The following SLC25A36 variants were observed in gnomAD, a reference collection of about 807,000 sequenced individuals.
The protein encoded by SLC25A36 is epididymis secretory sperm binding protein.
Under a neutral mutation model 35.3 loss-of-function variants are expected in SLC25A36, and 24 were observed. That is an observed-to-expected ratio of 0.68 (90% CI 0.49 to 0.96). The LOEUF (loss-of-function observed/expected upper bound fraction) is 0.96, where lower values mean the gene tolerates loss of function less well. SLC25A36 is among the 40% of genes least tolerant of loss of function. The pLI, the probability that SLC25A36 is intolerant of heterozygous loss-of-function variation, is 0.00. For missense variants in SLC25A36, 294 were observed against 381.1 expected (o/e 0.77, Z 1.90); for synonymous variants, 141 against 132.2 (o/e 1.07, Z -0.46).
At position 140,976,461 on chromosome 3, in the gene SLC25A36, A is replaced by G. The variant is rs777689063; in HGVS notation, c.*8A>G. 1 of 1,607,272 alleles carries G rather than the reference A, an allele frequency of 6.2e-7. No individual in the cohort carries two copies. Among genetic ancestry groups the G allele is most frequent in the South Asian group, 1.1e-5 (1 of 89,870 alleles). Reference sequence around the variant, plus strand: ...TACCTACTCAATGGATAGCAGCACGAGGACTGCTGTACTGCAAAAAAAGAA... The same window carrying G: ...TACCTACTCAATGGATAGCAGCACGGGGACTGCTGTACTGCAAAAAAAGAA... On this transcript the variant is annotated 3_prime_UTR_variant, in exon 7 of 7. Coordinates refer to ENST00000324194, the MANE Select transcript of SLC25A36 (RefSeq NM_001104647.3).
intron 1 of SLC25A36, among the ~76,000 whole-genome samples, chr3:140,949,099 A>G (rs1246192406): frequency 1.3e-5 from 2 of 152,204 alleles, no homozygotes; most frequent in Non-Finnish European, 2.9e-5. Context: ...TTTTTAAACC[A>G]GTTTTGGTTA....
At chr3:140,962,244 CATTA>C (rs1934649546) in intron 3 of SLC25A36, among the ~76,000 whole-genome samples, 1 of 151,878 alleles carries the variant, frequency 6.6e-6, no homozygotes, top group African/African-American at 2.4e-5. Flanking sequence ...TTCTTAAGTA[CATTA>C]AAAAAGGTAC....
rs191178165 is a variant in SLC25A36 at position 140,969,052 on chromosome 3, A to G, written c.386-1875A>G. On this transcript the variant is annotated intron_variant, in intron 4 of 6. Coordinates refer to ENST00000324194, the MANE Select transcript of SLC25A36 (RefSeq NM_001104647.3). ...TTTTGCTGTACAGACATATTTAGCTATTACAAATATTTAAGTTTACAAAAC... is the reference window on the plus strand; with the variant it reads ...TTTTGCTGTACAGACATATTTAGCTGTTACAAATATTTAAGTTTACAAAAC... Among the ~76,000 whole-genome samples, 6 of 151,986 alleles carry G rather than the reference A, an allele frequency of 3.9e-5. No individual in the cohort carries two copies. In the East Asian group the frequency reaches 1.2e-3, roughly 29 times the overall value.
intron 1 of SLC25A36, among the ~76,000 whole-genome samples, chr3:140,945,333 G>C (rs1328356935): frequency 2.0e-5 from 3 of 152,098 alleles, no homozygotes; most frequent in African/African-American, 7.2e-5. Flanking sequence ...TAGTTTTGGG[G>C]GAGACAAACA....
At position 140,976,280 on chromosome 3, in the gene SLC25A36, C is replaced by T; in HGVS notation, c.763C>T (p.Arg255Cys). ...CACAGAAGTTGTAAGAACAAGACTA[C>T]GTGAAGAGGGAACAAAATACAGATC... is the stretch of plus-strand genomic sequence containing the variant. ...YPHEVVRTRL[R>C]EEGTKYRSFF... The change falls in exon 7 of 7, where the codon CGT (arginine) becomes TGT (cysteine). Residue 255 changes from arginine (R) to cysteine (C), a missense_variant. Around this residue, in one of 2 missense-constraint regions of SLC25A36, gnomAD observed 109 missense variants for 179.7 expected, o/e 0.61. Coordinates refer to ENST00000324194, the MANE Select transcript of SLC25A36 (RefSeq NM_001104647.3). 6.2e-7 allele frequency: 1 copy of T among 1,607,342 alleles called. No individual in the cohort carries two copies. The highest frequency in any genetic ancestry group is 1.7e-5 in the Admixed American group (1 of 59,076).
In SLC25A36 at chr3:140,980,588, C is replaced by T. The variant is rs143716060; in HGVS notation, c.*4135C>T. On this transcript the variant is annotated 3_prime_UTR_variant, in exon 7 of 7. Coordinates refer to ENST00000324194, the MANE Select transcript of SLC25A36 (RefSeq NM_001104647.3). ...GTGTTTATTACTGAACATTGGGAGC[C>T]GTGATAGGGAAGTAATTTGTGAGTT... is the stretch of plus-strand genomic sequence containing the variant. Among the ~76,000 whole-genome samples the T allele has an allele frequency of 6.3e-4, 95 of 151,936 alleles. No individual in the cohort carries two copies. The highest frequency in any genetic ancestry group is 2.2e-3 in the African/African-American group (93 of 41,426).
chr3:140,973,419 A>G (rs976177537), intron 5 of SLC25A36, among the ~76,000 whole-genome samples: 4 of 152,174 alleles, frequency 2.6e-5, no homozygotes, highest in Admixed American at 1.3e-4. Flanking sequence ...CAGGGTGTAT[A>G]GTTCCTAAAG....
rs1024321137 is a variant in SLC25A36 at position 140,963,293 on chromosome 3, T to C, written c.385+66T>C. ...AACCTAGAGGCTTAATATTGAATTA[T>C]AAGTTTGTAGTGAAAAGTTGATGAT... On this transcript the variant is annotated intron_variant, in intron 4 of 6. Transcript: ENST00000324194. 2.9e-5 allele frequency: 30 copies of C among 1,019,164 alleles called. No homozygotes were observed. In the Middle Eastern group the frequency reaches 2.5e-3, roughly 84 times the overall value. The allele number at this position is 1,019,164 out of a possible 1,614,324, so 63.1% of individuals were successfully genotyped here. A position where few individuals can be genotyped will look rare whatever the true frequency, so the allele number is the denominator to read the frequency against.
intron 1 of SLC25A36, chr3:140,942,436 C>A (rs906891060): frequency 1.3e-4 from 28 of 208,004 alleles, no homozygotes; most frequent in African/African-American, 6.0e-4. Flanking sequence ...TCTGAGGAGA[C>A]GCGGGCAAGA....
chr3:140,958,957 GT>G (rs543256603), intron 2 of SLC25A36, among the ~76,000 whole-genome samples: 113 of 115,830 alleles, frequency 9.8e-4, no homozygotes, highest in Non-Finnish European at 1.5e-3. Context: ...AAAAAACAAT[GT>G]TTTGTGTGTG....
chr3:140,965,529 T>G (rs2107805426), intron 4 of SLC25A36: 1 of 151,938 alleles, frequency 6.6e-6, no homozygotes, highest in African/African-American at 2.4e-5. Context: ...CCAAGTGACC[T>G]CTCAATTCAT....
At chr3:140,965,730 T>C (rs900547462) in intron 4 of SLC25A36, 2 of 151,902 alleles carry the variant, frequency 1.3e-5, no homozygotes, top group African/African-American at 4.8e-5. Flanking sequence ...GTGAGGATAT[T>C]TAATCAGATT....
chr3:140,977,959 T>C lies in SLC25A36; in HGVS notation c.*1506T>C, dbSNP rs1055791025. 6.6e-6 allele frequency: 1 copy of C among 151,868 alleles called. No homozygotes were observed. The highest frequency in any genetic ancestry group is 2.4e-5 in the African/African-American group (1 of 41,360). 9.4% of individuals were successfully genotyped at this position (151,868 alleles called of 1,614,324 possible). Reference sequence around the variant, plus strand: ...AAAAAAAACAAAAACATTGGTCACGTATTAGGCAGAAACAGTGTTCATAAC... The same window carrying C: ...AAAAAAAACAAAAACATTGGTCACGCATTAGGCAGAAACAGTGTTCATAAC... On this transcript the variant is annotated 3_prime_UTR_variant, in exon 7 of 7. Transcript: ENST00000324194.
chr3:140,961,855 C>CAAAA lies in SLC25A36; in HGVS notation c.285-1245_285-1242dup, dbSNP rs553759457. On this transcript the variant is annotated intron_variant, in intron 3 of 6. Coordinates refer to ENST00000324194, the MANE Select transcript of SLC25A36 (RefSeq NM_001104647.3). ...TGGGCAAAAGAGCGAGGCTCCGTCT[C>CAAAA]AAAAAAAAAAAAAAAAAAAAAAAAA... is the stretch of plus-strand genomic sequence containing the variant. 2.2e-3 allele frequency among the ~76,000 whole-genome samples: 79 copies of CAAAA among 35,830 alleles called. 1 individual carries two copies. The highest frequency in any genetic ancestry group is 7.1e-3 in the East Asian group (7 of 992). 23.5% of individuals were successfully genotyped at this position (35,830 alleles called of 152,430 possible).
chr3:140,953,771 A>G (rs138134786), intron 1 of SLC25A36, among the ~76,000 whole-genome samples: 1 of 152,298 alleles, frequency 6.6e-6, no homozygotes, highest in East Asian at 1.9e-4. Context: ...AGTTTGTGCA[A>G]CATAGCAAGA....
chr3:140,963,788 C>G (rs988106100), intron 4 of SLC25A36: 4 of 152,610 alleles, frequency 2.6e-5, no homozygotes, highest in African/African-American at 9.7e-5. Flanking sequence ...TAGACACTGG[C>G]TATGTGTACA....
intron 1 of SLC25A36, among the ~76,000 whole-genome samples, chr3:140,955,384 C>T (rs75386521): frequency 0.064 from 9,731 of 152,108 alleles, 448 homozygotes; most frequent in Middle Eastern, 0.13. Flanking sequence ...TCTCTTTCAC[C>T]GCACTAAGAG....
intron 6 of SLC25A36, 38 bp from the exon 7 acceptor site, chr3:140,976,222 A>G: frequency 7.6e-7 from 1 of 1,318,934 alleles, no homozygotes; most frequent in Non-Finnish European, 1.1e-6. Flanking sequence ...GAGTGTAAAG[A>G]TATCAGTAAT....
intron 4 of SLC25A36, chr3:140,967,154 G>A (rs1433806969): frequency 2.3e-6 from 1 of 440,384 alleles, no homozygotes; most frequent in Non-Finnish European, 4.6e-6. Flanking sequence ...GAATTTGTGT[G>A]TGCATTGCTA....
Sources: allele counts gnomAD v4.1 joint callset (sites outside exome capture counted in the v4.1 genomes callset), GRCh38; gene constraint gnomAD v4.1.1; regional missense constraint gnomAD v4.1.1; transcripts MANE v1.5; gene names NCBI Gene and HGNC (gene_info 2026-07-23, HGNC 2026-07-21).